Variants in ACER2 observed in about 807,000 individuals in gnomAD.
The protein encoded by ACER2 is alkCDase 2.
In ACER2, 26 loss-of-function variants were observed where a neutral mutation model predicts 34.7. The ratio of observed to expected loss-of-function variants is 0.75; its 90% CI spans 0.55 to 1.04. ACER2 has a LOEUF of 1.04. ACER2 is among the 50% of genes least tolerant of loss of function. ACER2 has a pLI of 0.00. For missense variants in ACER2, 352 were observed against 340.8 expected (o/e 1.03, Z -0.26); for synonymous variants, 138 against 132.1 (o/e 1.04, Z -0.31).
intron 1 of ACER2, among the ~76,000 whole-genome samples, chr9:19,418,138 C>CA (rs1321577657): frequency 6.6e-6 from 1 of 152,154 alleles, no homozygotes; most frequent in Non-Finnish European, 1.5e-5. Flanking sequence ...AAATCAAAAC[C>CA]ACAATGAGAT....
intron 1 of ACER2, among the ~76,000 whole-genome samples, chr9:19,422,197 A>G (rs1457908099): frequency 6.6e-6 from 1 of 151,774 alleles, no homozygotes; most frequent in Admixed American, 6.6e-5. Flanking sequence ...GCTATTCAAG[A>G]GGCTGAGGCA....
At chr9:19,433,173 T>TTA (rs1554653471) in intron 3 of ACER2, among the ~76,000 whole-genome samples, 81 of 81,936 alleles carry the variant, frequency 9.9e-4, no homozygotes, top group African/African-American at 3.0e-3. Flanking sequence ...TTTTTTTTTT[T>TTA]ATTGATCATT....
At chr9:19,439,975 C>T (rs1034310532) in intron 4 of ACER2, among the ~76,000 whole-genome samples, 33 of 151,980 alleles carry the variant, frequency 2.2e-4, no homozygotes, top group Admixed American at 1.6e-3. Context: ...ACTCCATCCC[C>T]CCGCCCCCAA....
intron 5 of ACER2, among the ~76,000 whole-genome samples, chr9:19,450,008 C>T (rs1310313666): frequency 6.6e-6 from 1 of 151,488 alleles, no homozygotes; most frequent in Non-Finnish European, 1.5e-5. Context: ...TTAAAATTTC[C>T]ACTAAACTGC....
chr9:19,417,111 C>G (rs1253122016), intron 1 of ACER2, among the ~76,000 whole-genome samples: 1 of 152,166 alleles, frequency 6.6e-6, no homozygotes, highest in Non-Finnish European at 1.5e-5. Context: ...CACAAGTGAA[C>G]TCCCATTCAC....
At chr9:19,426,383 T>TCTCTCTCTCTCC (rs1830572090) in intron 3 of ACER2, among the ~76,000 whole-genome samples, 1 of 149,836 alleles carries the variant, frequency 6.7e-6, no homozygotes, top group East Asian at 1.9e-4. Context: ...TCTCTCTCTC[T>TCTCTCTCTCTCC]CTCTCTCTCC....
chr9:19,434,655 T>G (rs937346432), intron 3 of ACER2, among the ~76,000 whole-genome samples: 7 of 152,168 alleles, frequency 4.6e-5, no homozygotes, highest in East Asian at 1.9e-4. Context: ...CGCCTGCAAT[T>G]GCAGGCACTC....
rs11346520 is a variant in ACER2, at chr9:19,413,603, GAAA to G, written c.108+4425_108+4427del. On this transcript the variant is annotated intron_variant, in intron 1 of 5. Coordinates refer to ENST00000340967, the MANE Select transcript of ACER2 (RefSeq NM_001010887.3). The stretch of plus-strand genomic sequence containing the variant: ...TGACAGAGCAAGATTCCATCTTAAG[GAAA>G]AAAAAAAAAAAAAGAAAATATTTAA... Among the ~76,000 whole-genome samples the G allele has an allele frequency of 4.9e-3, 620 of 125,662 alleles. 5 individuals carry two copies. Among genetic ancestry groups the G allele is most frequent in the African/African-American group, 0.016 (593 of 36,188 alleles). The allele number at this position is 125,662 out of a possible 152,430, so 82.4% of individuals were successfully genotyped here.
intron 4 of ACER2, among the ~76,000 whole-genome samples, chr9:19,444,215 TG>T (rs1356801157): frequency 7.7e-6 from 1 of 129,250 alleles, no homozygotes; most frequent in East Asian, 2.2e-4. Flanking sequence ...AATCTCATAA[TG>T]GTTTTTTTTT....
chr9:19,418,310 C>A (rs1000952742), intron 1 of ACER2, among the ~76,000 whole-genome samples: 1 of 152,154 alleles, frequency 6.6e-6, no homozygotes, highest in Non-Finnish European at 1.5e-5. Flanking sequence ...CAATCTGGAA[C>A]TAGAAATACC....
At chr9:19,425,571 T>C (rs897271554) in intron 3 of ACER2, among the ~76,000 whole-genome samples, 1 of 152,178 alleles carries the variant, frequency 6.6e-6, no homozygotes, top group African/African-American at 2.4e-5. Context: ...AGATTACAAA[T>C]CAACAAACAA....
chr9:19,440,819 T>C (rs996851944), intron 4 of ACER2, among the ~76,000 whole-genome samples: 16 of 152,172 alleles, frequency 1.1e-4, no homozygotes, highest in African/African-American at 3.4e-4. Context: ...TCTACTATTA[T>C]GTGTCTAGCT....
chr9:19,429,930 A>G (rs1033899499), intron 3 of ACER2, among the ~76,000 whole-genome samples: 5 of 152,164 alleles, frequency 3.3e-5, no homozygotes, highest in African/African-American at 1.2e-4. Flanking sequence ...TTGGTAGCTT[A>G]TAGCAGTGGA....
chr9:19,450,414 G>T, intron 5 of ACER2, 36 bp from the exon 6 acceptor site: 2 of 1,543,252 alleles, frequency 1.3e-6, no homozygotes, highest in Non-Finnish European at 1.8e-6. Context: ...GAGTCTTCAT[G>T]CTCATCAGGT....
rs973630030 is a variant in ACER2 at position 19,421,472 on chromosome 9, G to GA, written c.109-2384dup. ...GAACCTTAAAAACATTATGCTAAAT[G>GA]AAAAAATAAGCTAGATACAAAAGGA... On this transcript the variant is annotated intron_variant, in intron 1 of 5. Coordinates refer to ENST00000340967, the MANE Select transcript of ACER2 (RefSeq NM_001010887.3). 3.9e-5 allele frequency among the ~76,000 whole-genome samples: 6 copies of GA among 152,060 alleles called. 1 individual carries two copies. Among genetic ancestry groups the GA allele is most frequent in the Non-Finnish European group, 8.8e-5 (6 of 68,002 alleles).
At chr9:19,440,395 T>C (rs1448478390) in intron 4 of ACER2, among the ~76,000 whole-genome samples, 2 of 152,200 alleles carry the variant, frequency 1.3e-5, no homozygotes, top group African/African-American at 4.8e-5. Context: ...AAGGTGATGA[T>C]ATTAGGAGGT....
At chr9:19,427,395 A>C (rs1376299386) in intron 3 of ACER2, among the ~76,000 whole-genome samples, 1 of 152,208 alleles carries the variant, frequency 6.6e-6, no homozygotes, top group Non-Finnish European at 1.5e-5. Context: ...CTATTTGCAC[A>C]TCTTCAATTT....
intron 4 of ACER2, among the ~76,000 whole-genome samples, chr9:19,442,149 A>G (rs1831176090): frequency 6.6e-6 from 1 of 152,216 alleles, no homozygotes; most frequent in African/African-American, 2.4e-5. Context: ...GGTGTTAAGT[A>G]CATTGCCGAG....
chr9:19,452,390 T>C lies in ACER2; in HGVS notation c.*1754T>C, dbSNP rs1831594961. Among the ~76,000 whole-genome samples the C allele has an allele frequency of 6.6e-6, 1 of 152,180 alleles. No homozygotes were observed. Among genetic ancestry groups the C allele is most frequent in the African/African-American group, 2.4e-5 (1 of 41,440 alleles). On this transcript the variant is annotated 3_prime_UTR_variant, in exon 6 of 6. Coordinates refer to ENST00000340967, the MANE Select transcript of ACER2 (RefSeq NM_001010887.3). ...AATGAATGACTTTATGCTACATCTG[T>C]GGTTATCAAATTATATAGGTTGTTG...
Sources: gnomAD v4.1 joint callset for allele counts (sites outside exome capture counted in the v4.1 genomes callset) on GRCh38, gnomAD v4.1.1 for gene constraint, MANE v1.5 for transcripts, NCBI Gene and HGNC (gene_info 2026-07-23, HGNC 2026-07-21) for gene names.